Variants in MIGA1 observed in about 807,000 individuals in gnomAD.
MIGA1 encodes the protein mitoguardin 1, also known as family with sequence similarity 73, member A.
In MIGA1, 58 loss-of-function variants were observed where a neutral mutation model predicts 82.0. The ratio of observed to expected loss-of-function variants is 0.71; its 90% CI spans 0.57 to 0.88. The LOEUF is 0.88. MIGA1 is among the 40% of genes least tolerant of loss of function. The probability of loss-of-function intolerance (pLI) is 0.00; values close to 1 mark genes in which losing one functional copy is unlikely to be tolerated. For synonymous variants in MIGA1, 249 were observed against 253.6 expected (o/e 0.98, Z 0.17); for missense variants, 751 against 749.1 (o/e 1.00, Z -0.03).
intron 14 of MIGA1, among the ~76,000 whole-genome samples, chr1:77,868,966 G>C (rs1197226446): frequency 6.8e-6 from 1 of 147,424 alleles, no homozygotes; most frequent in Non-Finnish European, 1.5e-5. Flanking sequence ...GATCATTCTT[G>C]GGTGTTTCTC....
At chr1:77,821,087 T>C (rs1375633181) in intron 7 of MIGA1, among the ~76,000 whole-genome samples, 1 of 151,758 alleles carries the variant, frequency 6.6e-6, no homozygotes, top group African/African-American at 2.4e-5. Context: ...GGAGCCAAGA[T>C]TGTGCCATTG....
Position 77,818,383 on chromosome 1 carries a change from A to G in MIGA1, c.895+3152A>G, listed in dbSNP as rs201730613. The stretch of plus-strand genomic sequence containing the variant: ...GGCGATCCACCTGCTTCGGCCTCCC[A>G]AAGTGCTGGGATTACAGGTGTGAGC... On this transcript the variant is annotated intron_variant, in intron 7 of 15. Transcript: ENST00000370791. 1.4e-4 allele frequency among the ~76,000 whole-genome samples: 22 copies of G among 152,086 alleles called. No homozygotes were observed. In the East Asian group the frequency reaches 3.9e-3, roughly 27 times the overall value.
chr1:77,847,464 A>C, intron 8 of MIGA1: 1 of 1,426,190 alleles, frequency 7.0e-7, no homozygotes, highest in Admixed American at 1.7e-5. Context: ...GGAACAGGAA[A>C]AAAGAATGGA....
At position 77,875,422 on chromosome 1, in the gene MIGA1, T is replaced by C; in HGVS notation, c.*358T>C. On this transcript the variant is annotated 3_prime_UTR_variant, in exon 16 of 16. Transcript: ENST00000370791. ...TTTTATGCTTTGCACCTTTAAAATG[T>C]ACACTTTAGCCAAGGTCTTTGTGGC... The C allele has an allele frequency of 5.4e-6, 1 of 184,412 alleles. No individual in the cohort carries two copies. The highest frequency in any genetic ancestry group is 1.1e-5 in the Non-Finnish European group (1 of 88,150). The allele number at this position is 184,412 out of a possible 1,614,324, so 11.4% of individuals were successfully genotyped here. A position where few individuals can be genotyped will look rare whatever the true frequency, so the allele number is the denominator to read the frequency against.
In MIGA1 at chr1:77,780,156, A is replaced by G. The variant is rs942522680; in HGVS notation, c.81+420A>G. The G allele has an allele frequency of 2.1e-4, 204 of 989,492 alleles. No homozygotes were observed. In the African/African-American group the frequency reaches 3.2e-3, roughly 15 times the overall value. 61.3% of individuals were successfully genotyped at this position (989,492 alleles called of 1,614,324 possible). ...GAAGACAGCAGAGGAGAGCTCCGCG[A>G]GGGGCTGCTGTGGGGTCGGGGGAGA... On this transcript the variant is annotated intron_variant, in intron 1 of 15. Transcript: ENST00000370791.
At chr1:77,874,669 C>A (rs970798790) in intron 15 of MIGA1, among the ~76,000 whole-genome samples, 177 bp from the exon 16 acceptor site, 6 of 151,856 alleles carry the variant, frequency 4.0e-5, no homozygotes, top group African/African-American at 1.5e-4. Context: ...AGAAAATGAG[C>A]CCCCAAAAAG....
chr1:77,786,712 C>T (rs1228426086), intron 2 of MIGA1, among the ~76,000 whole-genome samples: 2 of 152,248 alleles, frequency 1.3e-5, no homozygotes, highest in East Asian at 1.9e-4. Context: ...GAGACCACCT[C>T]AGCCTCACTT....
intron 2 of MIGA1, among the ~76,000 whole-genome samples, chr1:77,799,049 A>C (rs1207629161): frequency 6.6e-6 from 1 of 152,120 alleles, no homozygotes; most frequent in Admixed American, 6.6e-5. Context: ...CATTCCTAGG[A>C]TGTATACCAC....
chr1:77,827,029 G>A (rs895864552), intron 7 of MIGA1, among the ~76,000 whole-genome samples: 1 of 151,790 alleles, frequency 6.6e-6, no homozygotes, highest in Admixed American at 6.6e-5. Flanking sequence ...CTGGTCTCAA[G>A]CTCCTGACCT....
At chr1:77,794,035 C>T (rs1039929905) in intron 2 of MIGA1, among the ~76,000 whole-genome samples, 14 of 152,018 alleles carry the variant, frequency 9.2e-5, no homozygotes, top group East Asian at 3.9e-4. Flanking sequence ...GTGATCTGCC[C>T]GCCTCAGCCT....
Position 77,803,402 on chromosome 1 carries a change from C to A in MIGA1, c.506C>A (p.Ala169Asp). 1 of 1,499,290 alleles carries A rather than the reference C, an allele frequency of 6.7e-7. No individual in the cohort carries two copies. The highest frequency in any genetic ancestry group is 8.9e-7 in the Non-Finnish European group (1 of 1,121,732). 92.9% of individuals were successfully genotyped at this position (1,499,290 alleles called of 1,614,324 possible). A position where few individuals can be genotyped will look rare whatever the true frequency, so the allele number is the denominator to read the frequency against. The stretch of plus-strand genomic sequence containing the variant: ...TATTCAGGTTCTGCACAGAGTTTGG[C>A]CTCTGTAAGTACAGAAAAAATATTA... Residue 169 changes from alanine to aspartate, a missense_variant, in exon 4 of 16, where the codon GCC becomes GAC. This residue lies in a region of MIGA1 where 482 missense variants were observed against 439.4 expected (regional missense o/e 1.10). Coordinates refer to ENST00000370791, the MANE Select transcript of MIGA1 (RefSeq NM_198549.4).
At position 77,813,805 on chromosome 1, in the gene MIGA1, G is replaced by A; in HGVS notation, c.709G>A (p.Asp237Asn). Residue 237 changes from aspartate (D) to asparagine (N), a missense_variant, in exon 6 of 16, where the codon GAT (aspartate) becomes AAT (asparagine). Physicochemically the swap from Asp to Asn is conservative, Grantham distance 23. This residue lies in a region of MIGA1 where 482 missense variants were observed against 439.4 expected (regional missense o/e 1.10). Transcript: ENST00000370791. ...GACCTTTCGCAATAGACAGGCTGAAGATGAAGCCTGTGGTTCCATTAAACT... is the reference window on the plus strand; with the variant it reads ...GACCTTTCGCAATAGACAGGCTGAAAATGAAGCCTGTGGTTCCATTAAACT... 1 of 1,614,094 alleles carries A rather than the reference G, an allele frequency of 6.2e-7. No homozygotes were observed. Among genetic ancestry groups the A allele is most frequent in the African/African-American group, 1.3e-5 (1 of 75,064 alleles).
In MIGA1 at chr1:77,815,247, C is replaced by T; in HGVS notation, c.895+16C>T. On this transcript the variant is annotated intron_variant, in intron 7 of 15. Coordinates refer to ENST00000370791, the MANE Select transcript of MIGA1 (RefSeq NM_198549.4). Reference sequence around the variant, plus strand: ...GATGATATTGGTAAGATGGATATTTCATATGGCTTTTATGAAATGTTTACT... The same window carrying T: ...GATGATATTGGTAAGATGGATATTTTATATGGCTTTTATGAAATGTTTACT... 6.4e-7 allele frequency: 1 copy of T among 1,563,266 alleles called. No individual in the cohort carries two copies. Among genetic ancestry groups the T allele is most frequent in the Non-Finnish European group, 8.7e-7 (1 of 1,151,754 alleles).
At chr1:77,864,832 C>A (rs74977019) in intron 13 of MIGA1, among the ~76,000 whole-genome samples, 1 of 152,166 alleles carries the variant, frequency 6.6e-6, no homozygotes, top group African/African-American at 2.4e-5. Flanking sequence ...CTGTTCTTTT[C>A]TGTTCTCAAA....
intron 8 of MIGA1, chr1:77,847,205 C>A (rs763243386): frequency 7.8e-7 from 1 of 1,274,028 alleles, no homozygotes; most frequent in Non-Finnish European, 1.1e-6. Context: ...GGGAATGATT[C>A]TGATGATGAT....
intron 2 of MIGA1, among the ~76,000 whole-genome samples, chr1:77,791,257 A>AC (rs1041075807): frequency 3.3e-5 from 5 of 150,638 alleles, no homozygotes; most frequent in African/African-American, 4.9e-5. Flanking sequence ...AAAAAAAAAA[A>AC]AAAAAAAACA....
chr1:77,859,274 G>T (rs1290456330), intron 9 of MIGA1, 40 bp from the exon 10 acceptor site: 1 of 1,486,846 alleles, frequency 6.7e-7, no homozygotes, highest in Non-Finnish European at 9.4e-7. Context: ...GCTTGATCTT[G>T]AATGTAGTTT....
At chr1:77,808,130 CTT>C (rs754585009) in intron 5 of MIGA1, among the ~76,000 whole-genome samples, 43 of 136,988 alleles carry the variant, frequency 3.1e-4, no homozygotes, top group African/African-American at 3.8e-4. Context: ...ACCTTTCTCT[CTT>C]TTTTTTTTTT....
At chr1:77,787,349 G>A (rs181954514) in intron 2 of MIGA1, among the ~76,000 whole-genome samples, 23 of 150,164 alleles carry the variant, frequency 1.5e-4, no homozygotes, top group Middle Eastern at 3.5e-3. Flanking sequence ...CCATTTATAT[G>A]TATCCTTTGA....
Sources: allele counts gnomAD v4.1 joint callset (sites outside exome capture counted in the v4.1 genomes callset), GRCh38; gene constraint gnomAD v4.1.1; regional missense constraint gnomAD v4.1.1; transcripts MANE v1.5; gene names NCBI Gene and HGNC (gene_info 2026-07-23, HGNC 2026-07-21).